RPS6KC1: variants seen among roughly 807,000 people sequenced by gnomAD.
RPS6KC1 encodes inactive ribosomal protein S6 kinase delta-1.
Under a neutral mutation model 103.8 loss-of-function variants are expected in RPS6KC1, and 54 were observed. The ratio of observed to expected loss-of-function variants is 0.52; its 90% CI spans 0.42 to 0.65. The LOEUF is 0.65. Among genes scored for constraint, RPS6KC1 ranks in the 30% least tolerant of loss-of-function variants. RPS6KC1 has a pLI of 0.00. For missense variants in RPS6KC1, 1,151 were observed against 1,253.8 expected (o/e 0.92, Z 1.24); for synonymous variants, 439 against 438.7 (o/e 1.00, Z -0.01).
chr1:213,847,151 G>T, the RPS6KC1 span, among the ~76,000 whole-genome samples: 4 of 152,228 alleles, frequency 2.6e-5, no homozygotes, highest in African/African-American at 7.2e-5. Flanking sequence ...TGATGATACA[G>T]ACCAAAGTCA....
chr1:213,077,554 TTCAG>T, intron 2 of RPS6KC1, 138 bp from the exon 3 acceptor site: 1 of 417,608 alleles, frequency 2.4e-6, no homozygotes, highest in Non-Finnish European at 4.3e-6. Context: ...ATTAGTTAAT[TTCAG>T]TCAGTTAATC....
At chr1:213,738,360 G>C in the RPS6KC1 span, among the ~76,000 whole-genome samples, 1 of 152,092 alleles carries the variant, frequency 6.6e-6, no homozygotes, top group East Asian at 1.9e-4. Context: ...GACAATGAAA[G>C]AGAGAAACAA....
chr1:213,323,675 G>T, the RPS6KC1 span, among the ~76,000 whole-genome samples: 1 of 152,092 alleles, frequency 6.6e-6, no homozygotes, highest in Admixed American at 6.5e-5. Flanking sequence ...TTGAAAACTT[G>T]TTGGAAGTTT....
chr1:213,363,349 A>C, the RPS6KC1 span, among the ~76,000 whole-genome samples: 32 of 152,324 alleles, frequency 2.1e-4, no homozygotes, highest in African/African-American at 6.5e-4. Context: ...GATTTTTCTC[A>C]CATCACAAGA....
the RPS6KC1 span, among the ~76,000 whole-genome samples, chr1:213,528,446 A>AG: frequency 3.7e-5 from 2 of 54,152 alleles, no homozygotes; most frequent in Non-Finnish European, 1.1e-4. Flanking sequence ...CTACAATTCA[A>AG]GTGAGATTTG....
At chr1:213,208,899 T>G (rs540311339) in intron 8 of RPS6KC1, among the ~76,000 whole-genome samples, 1 of 151,984 alleles carries the variant, frequency 6.6e-6, no homozygotes, top group South Asian at 2.1e-4. Flanking sequence ...CCTCCTGTTT[T>G]TAGGAGATAA....
At chr1:213,324,593 C>CTTTTTTTTTT in the RPS6KC1 span, among the ~76,000 whole-genome samples, 22 of 81,814 alleles carry the variant, frequency 2.7e-4, no homozygotes, top group East Asian at 8.8e-4. Context: ...GCTCGATATG[C>CTTTTTTTTTT]TTTTTTTTTT....
At chr1:213,094,796 A>G (rs772088631) in intron 3 of RPS6KC1, among the ~76,000 whole-genome samples, 2 of 152,268 alleles carry the variant, frequency 1.3e-5, no homozygotes, top group Non-Finnish European at 2.9e-5. Context: ...GGATGACGAC[A>G]AAAACAAGAC....
the RPS6KC1 span, among the ~76,000 whole-genome samples, chr1:213,769,261 T>C: frequency 6.6e-6 from 1 of 152,162 alleles, no homozygotes; most frequent in Non-Finnish European, 1.5e-5. Flanking sequence ...AAGGTCATTT[T>C]TGAAATTTAG....
At chr1:213,111,644 ACT>A (rs1470280154) in intron 4 of RPS6KC1, among the ~76,000 whole-genome samples, 3 of 152,126 alleles carry the variant, frequency 2.0e-5, no homozygotes, top group African/African-American at 7.2e-5. Context: ...TGTTCTAAAT[ACT>A]CTGTGTGTAT....
the RPS6KC1 span, among the ~76,000 whole-genome samples, chr1:213,306,116 C>T: frequency 2.9e-3 from 436 of 152,174 alleles, 3 homozygotes; most frequent in African/African-American, 0.01. Flanking sequence ...TTTCATGGCA[C>T]CTTGATCTTA....
chr1:213,357,631 T>C, the RPS6KC1 span, among the ~76,000 whole-genome samples: 2 of 152,204 alleles, frequency 1.3e-5, no homozygotes, highest in African/African-American at 2.4e-5. Flanking sequence ...ATGACCACAG[T>C]GGTCCTCTCA....
the RPS6KC1 span, among the ~76,000 whole-genome samples, chr1:213,446,600 C>T: frequency 1.3e-5 from 2 of 152,246 alleles, no homozygotes; most frequent in East Asian, 1.9e-4. Flanking sequence ...TAAACCATAG[C>T]CACAAAACGC....
At chr1:213,589,938 GGTGTGTGT>G in the RPS6KC1 span, among the ~76,000 whole-genome samples, 1,833 of 132,804 alleles carry the variant, frequency 0.014, 15 homozygotes, top group Non-Finnish European at 0.02. Context: ...AAAAGGTAGT[GGTGTGTGT>G]GTGTGTGTGT....
chr1:213,833,065 C>T, the RPS6KC1 span, among the ~76,000 whole-genome samples: 1 of 152,182 alleles, frequency 6.6e-6, no homozygotes, highest in African/African-American at 2.4e-5. Context: ...CTCCAGCCTT[C>T]AGCAGACAAG....
the RPS6KC1 span, among the ~76,000 whole-genome samples, chr1:213,327,235 G>GA: frequency 5.4e-5 from 1 of 18,634 alleles, no homozygotes; most frequent in African/African-American, 8.1e-5. Flanking sequence ...AGAAAGAAAA[G>GA]AAAAGAAAGA....
chr1:213,614,792 C>T, the RPS6KC1 span, among the ~76,000 whole-genome samples: 1 of 152,220 alleles, frequency 6.6e-6, no homozygotes, highest in Non-Finnish European at 1.5e-5. Flanking sequence ...TGGGCTCTTT[C>T]AGCCTGTGGA....
the RPS6KC1 span, among the ~76,000 whole-genome samples, chr1:213,447,276 C>T: frequency 6.6e-6 from 1 of 152,078 alleles, no homozygotes; most frequent in Non-Finnish European, 1.5e-5. Flanking sequence ...CCTTGTTACT[C>T]AGGCTGGTCT....
At chr1:213,485,989 G>T in the RPS6KC1 span, among the ~76,000 whole-genome samples, 1 of 152,178 alleles carries the variant, frequency 6.6e-6, no homozygotes, top group Non-Finnish European at 1.5e-5. Flanking sequence ...GTTTCATGCA[G>T]CTGAGGCCCT....
Sources: allele counts gnomAD v4.1 joint callset (sites outside exome capture counted in the v4.1 genomes callset), GRCh38; gene constraint gnomAD v4.1.1; transcripts MANE v1.5; gene names NCBI Gene and HGNC (gene_info 2026-07-23, HGNC 2026-07-21).